The following PCLO variants were observed in gnomAD, a reference collection of about 807,000 sequenced individuals.
PCLO encodes the protein protein piccolo.
In PCLO, 82 loss-of-function variants were observed where a neutral mutation model predicts 427.5. The ratio of observed to expected loss-of-function variants is 0.19; its 90% CI spans 0.16 to 0.23. PCLO has a LOEUF of 0.23. PCLO is among the 10% of genes least tolerant of loss of function. The pLI, the probability that PCLO is intolerant of heterozygous loss-of-function variation, is 1.00. For missense variants in PCLO, 6,239 were observed against 6,115.9 expected (o/e 1.02, Z -0.67); for synonymous variants, 2,357 against 2,155.4 (o/e 1.09, Z -2.59).
chr7:82,986,500 CTT>C (rs1402245469), intron 3 of PCLO, among the ~76,000 whole-genome samples: 2 of 151,800 alleles, frequency 1.3e-5, no homozygotes. Flanking sequence ...TCTCTTAACT[CTT>C]TTATATTTAA....
chr7:82,827,287 T>C (rs1791967842), intron 17 of PCLO, among the ~76,000 whole-genome samples: 1 of 152,094 alleles, frequency 6.6e-6, no homozygotes, highest in South Asian at 2.1e-4. Context: ...TAAGCAAAGA[T>C]ATAAAAATGC....
In PCLO at chr7:82,757,004, G is replaced by C. The variant is rs1268861262; in HGVS notation, c.*1571C>G. 6.6e-6 allele frequency: 1 copy of C among 152,062 alleles called. No individual in the cohort carries two copies. Among genetic ancestry groups the C allele is most frequent in the East Asian group, 1.9e-4 (1 of 5,194 alleles). The allele number at this position is 152,062 out of a possible 1,614,324, so 9.4% of individuals were successfully genotyped here. ...TATGTAATAATTATTCCTCACTTCT[G>C]TGTATAAAACTATATTTGGAAATGT... On this transcript the variant is annotated 3_prime_UTR_variant, in exon 25 of 25. Transcript: ENST00000333891.
rs10234643 is a variant in PCLO at position 82,893,436 on chromosome 7, G to T, written c.13528+9215C>A. 3.2e-3 allele frequency among the ~76,000 whole-genome samples: 488 copies of T among 152,096 alleles called. 2 individuals are homozygous for T. Among genetic ancestry groups the T allele is most frequent in the African/African-American group, 0.011 (469 of 41,516 alleles). ...TGGGCCCTGTTGTGGGGTCAGGGAAGGGGGGAGGGATAGCATTAGGAGATA... is the reference window on the plus strand; with the variant it reads ...TGGGCCCTGTTGTGGGGTCAGGGAATGGGGGAGGGATAGCATTAGGAGATA... On this transcript the variant is annotated intron_variant, in intron 9 of 24. Coordinates refer to ENST00000333891, the MANE Select transcript of PCLO (RefSeq NM_033026.6).
chr7:83,158,150 T>C (rs904836898), intron 1 of PCLO, among the ~76,000 whole-genome samples: 2 of 152,076 alleles, frequency 1.3e-5, no homozygotes, highest in African/African-American at 4.8e-5. Flanking sequence ...TTCTGAATTT[T>C]TGAAATTTCC....
chr7:83,135,305 C>T lies in PCLO; in HGVS notation c.2245G>A (p.Val749Ile), dbSNP rs1791694840. The T allele has an allele frequency of 1.2e-6, 2 of 1,613,884 alleles. No individual in the cohort carries two copies. Among genetic ancestry groups the T allele is most frequent in the African/African-American group, 1.3e-5 (1 of 74,986 alleles). The change falls in exon 3 of 25, where the codon GTT becomes ATT. Residue 749 changes from valine to isoleucine, a missense_variant. Physicochemically the swap from Val to Ile is conservative, Grantham distance 29. Transcript: ENST00000333891. ...GGCTGCTTTGGTTTATCATCAGCAACAGGGGCCTTGTCCTGCTCAGATGGG... is the reference window on the plus strand; with the variant it reads ...GGCTGCTTTGGTTTATCATCAGCAATAGGGGCCTTGTCCTGCTCAGATGGG... Reference protein sequence around the residue: ...SVPSEQDKAPVADDKPKQPKM... With the variant: ...SVPSEQDKAPIADDKPKQPKM...
chr7:83,039,732 T>C (rs932758635), intron 3 of PCLO, among the ~76,000 whole-genome samples: 2 of 152,128 alleles, frequency 1.3e-5, no homozygotes, highest in Non-Finnish European at 1.5e-5. Flanking sequence ...TTCTACAAAA[T>C]AACCAGCTTA....
At chr7:82,974,999 G>A (rs1249616987) in intron 3 of PCLO, among the ~76,000 whole-genome samples, 2 of 151,928 alleles carry the variant, frequency 1.3e-5, no homozygotes, top group East Asian at 1.9e-4. Context: ...GGATTGTCTC[G>A]ATCTCCTGAC....
chr7:82,768,981 A>C (rs574348703), intron 22 of PCLO, among the ~76,000 whole-genome samples: 1 of 152,250 alleles, frequency 6.6e-6, no homozygotes, highest in African/African-American at 2.4e-5. Context: ...ATGAGAAAAA[A>C]GTGGTTTGGG....
At chr7:82,999,994 C>T (rs1176951920) in intron 3 of PCLO, among the ~76,000 whole-genome samples, 3 of 140,926 alleles carry the variant, frequency 2.1e-5, no homozygotes, top group Non-Finnish European at 3.0e-5. Flanking sequence ...AGACACTGAA[C>T]CACAGATCCA....
intron 20 of PCLO, among the ~76,000 whole-genome samples, chr7:82,809,487 G>A (rs1281372536): frequency 6.6e-6 from 1 of 151,442 alleles, no homozygotes; most frequent in Non-Finnish European, 1.5e-5. Context: ...TCCTATGTCT[G>A]GACTCTTGTA....
At chr7:82,992,560 A>T (rs952660871) in intron 3 of PCLO, among the ~76,000 whole-genome samples, 1 of 152,100 alleles carries the variant, frequency 6.6e-6, no homozygotes. Flanking sequence ...GAGTGAGAAC[A>T]TGCAGAGAAC....
At chr7:82,969,215 G>T (rs550369668) in intron 3 of PCLO, among the ~76,000 whole-genome samples, 3 of 152,050 alleles carry the variant, frequency 2.0e-5, no homozygotes, top group East Asian at 1.9e-4. Flanking sequence ...TGAAATTTAG[G>T]TATGAGGATA....
intron 3 of PCLO, among the ~76,000 whole-genome samples, chr7:83,005,959 A>G (rs1787936214): frequency 6.6e-6 from 1 of 151,682 alleles, no homozygotes; most frequent in African/African-American, 2.4e-5. Context: ...ATATAGGAGC[A>G]AAGTCAAAAG....
chr7:82,772,234 C>CA (rs768433420), intron 22 of PCLO, among the ~76,000 whole-genome samples: 1 of 152,116 alleles, frequency 6.6e-6, no homozygotes, highest in Non-Finnish European at 1.5e-5. Context: ...AGCTCTAACT[C>CA]AAAAACCCAT....
intron 14 of PCLO, among the ~76,000 whole-genome samples, chr7:82,839,379 A>G (rs531719784): frequency 6.6e-6 from 1 of 152,218 alleles, no homozygotes; most frequent in African/African-American, 2.4e-5. Context: ...CAGAAAATAC[A>G]TATTCAATTG....
intron 16 of PCLO, among the ~76,000 whole-genome samples, chr7:82,833,354 C>T (rs190649014): frequency 5.9e-5 from 9 of 152,202 alleles, no homozygotes; most frequent in East Asian, 3.9e-4. Context: ...AAAACCAGAG[C>T]GAGGCCCTTC....
intron 2 of PCLO, among the ~76,000 whole-genome samples, chr7:83,149,355 C>T (rs956990408): frequency 9.9e-5 from 15 of 152,248 alleles, no homozygotes; most frequent in Non-Finnish European, 8.8e-5. Flanking sequence ...TTTCCATTTT[C>T]TTTCTACCTT....
Position 82,952,642 on chromosome 7 carries a change from C to T in PCLO, c.8311G>A (p.Val2771Ile), listed in dbSNP as rs191431145. The T allele has an allele frequency of 5.0e-6, 8 of 1,613,920 alleles. No homozygotes were observed. In the East Asian group the frequency reaches 1.6e-4, roughly 31 times the overall value. ...NEVYGKQISA[V>I]QPSIINLSVT... ...CTAAGATTTATAATAGAGGGTTGGA[C>T]AGCACTAATTTGTTTCCCATAAACT... Residue 2771 changes from valine (V) to isoleucine (I), a missense_variant, in exon 5 of 25, where the codon GTC (valine) becomes ATC (isoleucine). Coordinates refer to ENST00000333891, the MANE Select transcript of PCLO (RefSeq NM_033026.6).
At position 83,024,472 on chromosome 7, in the gene PCLO, C is replaced by A. The variant is rs983616576; in HGVS notation, c.3301-57985G>T. ...AGGGTCCTACGCCCACGGAGTCTCG[C>A]TGATTGCTAGCACGGCAGTCTGAGA... On this transcript the variant is annotated intron_variant, in intron 3 of 24. Coordinates refer to ENST00000333891, the MANE Select transcript of PCLO (RefSeq NM_033026.6). Among the ~76,000 whole-genome samples, 4 of 152,290 alleles carry A rather than the reference C, an allele frequency of 2.6e-5. 1 individual carries two copies. The South Asian group carries it at 6.2e-4, about 24-fold the overall frequency.
Sources: gnomAD v4.1 joint callset for allele counts (sites outside exome capture counted in the v4.1 genomes callset) on GRCh38, gnomAD v4.1.1 for gene constraint, MANE v1.5 for transcripts, NCBI Gene and HGNC (gene_info 2026-07-23, HGNC 2026-07-21) for gene names.